Variants in CTNND2 observed in about 807,000 individuals in gnomAD.
CTNND2 encodes catenin delta 2, also known as catenin delta-2.
In CTNND2, 22 loss-of-function variants were observed where a neutral mutation model predicts 144.4. That is an observed-to-expected ratio of 0.15 (90% CI 0.11 to 0.22). The LOEUF is 0.22. Among genes scored for constraint, CTNND2 ranks in the 10% least tolerant of loss-of-function variants. The probability of loss-of-function intolerance (pLI) is 1.00; values close to 1 mark genes in which losing one functional copy is unlikely to be tolerated. For synonymous variants in CTNND2, 751 were observed against 695.6 expected, an observed-to-expected ratio of 1.08 and a Z score of -1.25; for missense variants, 1,353 against 1,618.8, an observed-to-expected ratio of 0.84 and a Z score of 2.82.
chr5:11,732,284 G>C lies in CTNND2; in HGVS notation c.38-12C>G. ...AACAGGCATAGCTCCTGCAAGGCAA[G>C]AGGACATGATCAATACAATCAGATG... On this transcript the variant is annotated splice_polypyrimidine_tract_variant and intron_variant, in intron 1 of 21. Transcript: ENST00000304623. 1 of 1,612,654 alleles carries C rather than the reference G, an allele frequency of 6.2e-7. No homozygotes were observed.
At chr5:11,825,201 G>A (rs1194334789) in intron 1 of CTNND2, among the ~76,000 whole-genome samples, 1 of 152,150 alleles carries the variant, frequency 6.6e-6, no homozygotes, top group African/African-American at 2.4e-5. Flanking sequence ...AAGAACTACA[G>A]TTAATATAGA....
chr5:11,896,628 A>G (rs1461454943), intron 1 of CTNND2, among the ~76,000 whole-genome samples: 1 of 152,128 alleles, frequency 6.6e-6, no homozygotes, highest in Non-Finnish European at 1.5e-5. Flanking sequence ...TTTCTTCTGC[A>G]TAATGTAATA....
intron 9 of CTNND2, among the ~76,000 whole-genome samples, chr5:11,317,950 C>T (rs536093352): frequency 6.6e-6 from 1 of 152,268 alleles, no homozygotes; most frequent in Non-Finnish European, 1.5e-5. Flanking sequence ...TTTTATGCTT[C>T]TTTGTAGTGG....
At chr5:11,425,850 C>T (rs1175647147) in intron 3 of CTNND2, among the ~76,000 whole-genome samples, 1 of 152,110 alleles carries the variant, frequency 6.6e-6, no homozygotes, top group East Asian at 1.9e-4. Context: ...GTTGGGCTCT[C>T]CTGAGATCTT....
chr5:11,589,847 T>C (rs1469558005), intron 2 of CTNND2, among the ~76,000 whole-genome samples: 2 of 152,166 alleles, frequency 1.3e-5, no homozygotes, highest in East Asian at 3.8e-4. Context: ...CCAGTGGAAT[T>C]AGGTTGCTGT....
chr5:11,309,787 A>G (rs1449132206), intron 9 of CTNND2, among the ~76,000 whole-genome samples: 1 of 152,098 alleles, frequency 6.6e-6, no homozygotes, highest in Non-Finnish European at 1.5e-5. Context: ...ATTGTAATTC[A>G]CAGTGTTGGA....
chr5:11,233,511 G>A (rs1403641934), intron 10 of CTNND2, among the ~76,000 whole-genome samples: 6 of 152,216 alleles, frequency 3.9e-5, no homozygotes, highest in Non-Finnish European at 5.9e-5. Flanking sequence ...AGAAAGACTA[G>A]AGGACTGAGT....
At chr5:11,221,248 G>A (rs1477607772) in intron 10 of CTNND2, among the ~76,000 whole-genome samples, 1 of 152,182 alleles carries the variant, frequency 6.6e-6, no homozygotes, top group Non-Finnish European at 1.5e-5. Context: ...ACTGAAACAT[G>A]GTCAAGCCAG....
intron 2 of CTNND2, among the ~76,000 whole-genome samples, chr5:11,596,500 G>T (rs528392369): frequency 8.5e-5 from 13 of 152,252 alleles, no homozygotes; most frequent in African/African-American, 3.1e-4. Context: ...TAAGGCACTA[G>T]CCAAAGAGAC....
intron 1 of CTNND2, among the ~76,000 whole-genome samples, chr5:11,871,607 T>C (rs971920306): frequency 2.0e-5 from 3 of 152,230 alleles, no homozygotes; most frequent in Non-Finnish European, 4.4e-5. Flanking sequence ...TTTAGGAATT[T>C]AACTGAGAGT....
chr5:11,694,667 T>C (rs1260571420), intron 2 of CTNND2, among the ~76,000 whole-genome samples: 1 of 152,172 alleles, frequency 6.6e-6, no homozygotes, highest in Non-Finnish European at 1.5e-5. Flanking sequence ...CTCACAAACA[T>C]GAAATTCTCA....
intron 9 of CTNND2, among the ~76,000 whole-genome samples, chr5:11,267,250 T>TC (rs1440092936): frequency 1.3e-5 from 2 of 152,160 alleles, no homozygotes; most frequent in African/African-American, 4.8e-5. Context: ...TGATGGATTC[T>TC]CCCCACGTGG....
At position 11,331,728 on chromosome 5, in the gene CTNND2, T is replaced by G. The variant is rs146791835; in HGVS notation, c.1628+14644A>C. Among the ~76,000 whole-genome samples the G allele has an allele frequency of 2.0e-3, 300 of 152,262 alleles. 1 individual carries two copies. Among genetic ancestry groups the G allele is most frequent in the African/African-American group, 6.7e-3 (278 of 41,556 alleles). ...TCCCAAATAGCATACACAACTATTT[T>G]TATTTTATAGAATAATATTATGTCA... On this transcript the variant is annotated intron_variant, in intron 9 of 21. Coordinates refer to ENST00000304623, the MANE Select transcript of CTNND2 (RefSeq NM_001332.4).
chr5:11,546,203 T>C (rs1171592587), intron 3 of CTNND2, among the ~76,000 whole-genome samples: 1 of 152,126 alleles, frequency 6.6e-6, no homozygotes, highest in Non-Finnish European at 1.5e-5. Flanking sequence ...GTGATGCTTG[T>C]AAAAATCTGA....
Position 11,384,842 on chromosome 5 carries a change from G to T in CTNND2, c.1000C>A (p.Pro334Thr), listed in dbSNP as rs143614151. Residue 334 changes from proline (P) to threonine (T), a missense_variant, in exon 7 of 22, where the codon CCC becomes ACC. By Grantham distance (38) the Pro-to-Thr change is conservative. Coordinates refer to ENST00000304623, the MANE Select transcript of CTNND2 (RefSeq NM_001332.4). The surrounding 1 kb of genome is among the most constrained non-coding windows in gnomAD (Gnocchi z 5.2). ...AGLSPIRVTS[P>T]PTVQSTISSS... ...GAGATGGTGGACTGCACGGTGGGGG[G>T]CGAGGTCACGCGGATCGGGGACAGG... The T allele has an allele frequency of 5.6e-6, 9 of 1,612,756 alleles. No individual in the cohort carries two copies. Among genetic ancestry groups the T allele is most frequent in the African/African-American group, 4.0e-5 (3 of 74,874 alleles).
At position 11,424,282 on chromosome 5, in the gene CTNND2, T is replaced by C. The variant is rs549947236; in HGVS notation, c.288-12213A>G. On this transcript the variant is annotated intron_variant, in intron 3 of 21. Coordinates refer to ENST00000304623, the MANE Select transcript of CTNND2 (RefSeq NM_001332.4). Reference sequence around the variant, plus strand: ...GGAGTAACGTTCTTGAAATACAAAATTGTAGAACTGGAAAACAGATCAGTA... The same window carrying C: ...GGAGTAACGTTCTTGAAATACAAAACTGTAGAACTGGAAAACAGATCAGTA... Among the ~76,000 whole-genome samples the C allele has an allele frequency of 2.4e-4, 37 of 152,130 alleles. No homozygotes were observed. The Middle Eastern group carries it at 0.01, about 42-fold the overall frequency.
intron 2 of CTNND2, among the ~76,000 whole-genome samples, chr5:11,731,051 A>G (rs1441790344): frequency 6.6e-6 from 1 of 152,210 alleles, no homozygotes; most frequent in Non-Finnish European, 1.5e-5. Context: ...CTAATCAAGG[A>G]GCACAGCCTA....
intron 9 of CTNND2, among the ~76,000 whole-genome samples, chr5:11,296,964 C>A (rs1749089180): frequency 6.6e-6 from 1 of 152,072 alleles, no homozygotes; most frequent in African/African-American, 2.4e-5. Flanking sequence ...GCACATGTAC[C>A]CTAAAACTTA....
chr5:11,628,780 A>C (rs1781278343), intron 2 of CTNND2, among the ~76,000 whole-genome samples: 1 of 152,178 alleles, frequency 6.6e-6, no homozygotes, highest in Admixed American at 6.5e-5. Flanking sequence ...TGTCCAAAAA[A>C]AAAAAGAGTG....
Sources: allele counts gnomAD v4.1 joint callset (sites outside exome capture counted in the v4.1 genomes callset), GRCh38; gene constraint gnomAD v4.1.1; non-coding constraint Gnocchi (gnomAD v3.1); transcripts MANE v1.5; gene names NCBI Gene and HGNC (gene_info 2026-07-23, HGNC 2026-07-21).